The following ANKRD35 variants were observed in gnomAD, a reference collection of about 807,000 sequenced individuals.
ANKRD35 encodes ankyrin repeat domain 35, also known as ankyrin repeat domain-containing protein 35.
A neutral mutation model predicts 109.9 loss-of-function variants in ANKRD35; 102 were observed. The ratio of observed to expected loss-of-function variants is 0.93; its 90% CI spans 0.79 to 1.09. The LOEUF (loss-of-function observed/expected upper bound fraction) is 1.09. ANKRD35 is among the 50% of genes least tolerant of loss of function. The pLI is 0.00. For synonymous variants in ANKRD35, 515 were observed against 512.4 expected (o/e 1.01, Z -0.07); for missense variants, 1,240 against 1,230.1 (o/e 1.01, Z -0.12).
At chr1:145,875,826 G>A (rs1654049728) in intron 7 of ANKRD35, among the ~76,000 whole-genome samples, 1 of 152,138 alleles carries the variant, frequency 6.6e-6, no homozygotes, top group African/African-American at 2.4e-5. Context: ...GGGATCACAG[G>A]GATTCTACAT....
intron 1 of ANKRD35, among the ~76,000 whole-genome samples, chr1:145,882,762 TAGCTTACCCC>T (rs1654340218): frequency 6.6e-6 from 1 of 152,172 alleles, no homozygotes; most frequent in Non-Finnish European, 1.5e-5. Flanking sequence ...ATCCAGTCTG[TAGCTTACCCC>T]AGCACCTTGG....
At chr1:145,874,042 G>A in intron 9 of ANKRD35, 57 bp from the exon 10 acceptor site, 2 of 1,611,714 alleles carry the variant, frequency 1.2e-6, no homozygotes, top group Admixed American at 1.7e-5. Flanking sequence ...TGAGCCCTAG[G>A]AGTGCCTTTC....
intron 1 of ANKRD35, among the ~76,000 whole-genome samples, chr1:145,884,203 A>C (rs1051243413): frequency 3.3e-5 from 5 of 152,250 alleles, no homozygotes; most frequent in African/African-American, 1.2e-4. Context: ...GGAAGAGTCC[A>C]TATGAATTTC....
chr1:145,872,219 G>A lies in ANKRD35; in HGVS notation c.2550C>T (p.Gly850=), dbSNP rs113200471. The A allele has an allele frequency of 1.0e-3, 1,645 of 1,609,910 alleles. 15 individuals carry two copies. The African/African-American group carries it at 0.02, about 19-fold the overall frequency. Reference sequence around the variant, plus strand: ...TTTCCAACAGAGCCTTTAGCTCCTGGCCCCAAGCCTGAGCCTGGGCCACCA... The same window carrying A: ...TTTCCAACAGAGCCTTTAGCTCCTGACCCCAAGCCTGAGCCTGGGCCACCA... ...GSLVAQAQAW[G]QELKALLEKY... The change falls in exon 10 of 14, where the codon GGC becomes GGT. Residue 850 remains glycine (G), a synonymous_variant. Transcript: ENST00000355594.
At chr1:145,878,528 A>G (rs781844747) in intron 2 of ANKRD35, 49 bp from the exon 3 acceptor site, 3 of 1,504,934 alleles carry the variant, frequency 2.0e-6, no homozygotes, top group African/African-American at 2.8e-5. Flanking sequence ...ACCAGGGATG[A>G]GGAATGGGAG....
chr1:145,870,890 TGC>T (rs1491528457), intron 10 of ANKRD35, among the ~76,000 whole-genome samples: 2 of 152,066 alleles, frequency 1.3e-5, no homozygotes, highest in African/African-American at 4.8e-5. Flanking sequence ...ATCTAATTTT[TGC>T]CACCATGCCC....
Position 145,873,690 on chromosome 1 carries a change from G to C in ANKRD35, c.1079C>G (p.Ser360Cys). The C allele has an allele frequency of 6.2e-7, 1 of 1,614,118 alleles. No homozygotes were observed. Reference protein sequence around the residue: ...WEPRASGKQGSSLRPGGDGME... With the variant: ...WEPRASGKQGCSLRPGGDGME... The stretch of plus-strand genomic sequence containing the variant: ...GCCATCCCCTCCAGGCCGGAGACTA[G>C]AGCCTTGCTTTCCTGAAGCTCTGGG... Residue 360 changes from serine to cysteine, a missense_variant, in exon 10 of 14, where the codon TCT becomes TGT. Coordinates refer to ENST00000355594, the MANE Select transcript of ANKRD35 (RefSeq NM_144698.5).
intron 3 of ANKRD35, 42 bp downstream of exon 3, chr1:145,878,349 G>T: frequency 1.3e-6 from 2 of 1,536,012 alleles, no homozygotes; most frequent in Non-Finnish European, 1.8e-6. Flanking sequence ...TGCTGTACCA[G>T]GGGCAAGCAA....
intron 10 of ANKRD35, 125 bp downstream of exon 10, chr1:145,871,857 G>T: frequency 8.1e-7 from 1 of 1,235,424 alleles, no homozygotes; most frequent in Non-Finnish European, 1.1e-6. Flanking sequence ...GCAAAGGACT[G>T]GTGCTCCGTT....
At position 145,872,197 on chromosome 1, in the gene ANKRD35, C is replaced by G; in HGVS notation, c.2572G>C (p.Glu858Gln). The change falls in exon 10 of 14, where the codon GAA becomes CAA. Residue 858 changes from glutamate to glutamine, a missense_variant. Physicochemically the swap from Glu to Gln is conservative, Grantham distance 29. Coordinates refer to ENST00000355594, the MANE Select transcript of ANKRD35 (RefSeq NM_144698.5). ...TCCCGGCAGGCCGTATTATACTTTT[C>G]CAACAGAGCCTTTAGCTCCTGGCCC... ...AWGQELKALL[E>Q]KYNTACREVG... 1 of 1,609,618 alleles carries G rather than the reference C, an allele frequency of 6.2e-7. No individual in the cohort carries two copies. The highest frequency in any genetic ancestry group is 8.5e-7 in the Non-Finnish European group (1 of 1,178,360).
chr1:145,874,671 G>A (rs1553739688), intron 8 of ANKRD35, 151 bp downstream of exon 8: 1 of 954,192 alleles, frequency 1.0e-6, no homozygotes, highest in East Asian at 2.8e-5. Context: ...ATGGGGATTT[G>A]GGGTCCTCTC....
chr1:145,877,995 C>G lies in ANKRD35; in HGVS notation c.297G>C (p.Gln99His), dbSNP rs375759470. The G allele has an allele frequency of 6.2e-7, 1 of 1,613,946 alleles. No individual in the cohort carries two copies. Among genetic ancestry groups the G allele is most frequent in the African/African-American group, 1.3e-5 (1 of 74,904 alleles). Residue 99 changes from glutamine to histidine, a missense_variant, in exon 4 of 14, where the codon CAG becomes CAC. Coordinates refer to ENST00000355594, the MANE Select transcript of ANKRD35 (RefSeq NM_144698.5). ...TALHLATISCQPQCVKVLLQH... is the reference protein window; with the variant it reads ...TALHLATISCHPQCVKVLLQH... ...GAAGCAGAACCTTAACACACTGTGGCTGGCAGGAGATGGTGGCCAAGTGTA... is the reference window on the plus strand; with the variant it reads ...GAAGCAGAACCTTAACACACTGTGGGTGGCAGGAGATGGTGGCCAAGTGTA...
chr1:145,873,429 T>C lies in ANKRD35; in HGVS notation c.1340A>G (p.Asn447Ser), dbSNP rs1653930217. ...ATCAGGGCCAAAGGTCTGTGCCCCA[T>C]TGGTAGTCAGTTGCTGTCCTGTGGC... Reference protein sequence around the residue: ...RKATGQQLTTNGAQTFGPDHA... With the variant: ...RKATGQQLTTSGAQTFGPDHA... Residue 447 changes from asparagine (N) to serine (S), a missense_variant, in exon 10 of 14, where the codon AAT (asparagine) becomes AGT (serine). Physicochemically the swap from Asn to Ser is conservative, Grantham distance 46. Coordinates refer to ENST00000355594, the MANE Select transcript of ANKRD35 (RefSeq NM_144698.5). 2 of 1,613,938 alleles carry C rather than the reference T, an allele frequency of 1.2e-6. No homozygotes were observed. The highest frequency in any genetic ancestry group is 2.7e-5 in the African/African-American group (2 of 74,908).
At chr1:145,871,001 C>G (rs1653788099) in intron 10 of ANKRD35, among the ~76,000 whole-genome samples, 1 of 151,942 alleles carries the variant, frequency 6.6e-6, no homozygotes, top group Admixed American at 6.6e-5. Flanking sequence ...TCTGGAAGTA[C>G]TAAATCCATG....
intron 1 of ANKRD35, among the ~76,000 whole-genome samples, chr1:145,882,522 G>C (rs1263254209): frequency 6.7e-6 from 1 of 148,890 alleles, no homozygotes; most frequent in Non-Finnish European, 1.5e-5. Flanking sequence ...AAAACTCCTG[G>C]GCTCAAGTGA....
chr1:145,872,415 T>C lies in ANKRD35; in HGVS notation c.2354A>G (p.Asp785Gly). ...ASPQVAALEQ[D>G]LGKLEEELRA... Reference sequence around the variant, plus strand: ...CAGCTCTTCCTCCAGCTTCCCCAGGTCTTGCTCCAGAGCGGCCACTTGGGG... The same window carrying C: ...CAGCTCTTCCTCCAGCTTCCCCAGGCCTTGCTCCAGAGCGGCCACTTGGGG... The change falls in exon 10 of 14, where the codon GAC (aspartate) becomes GGC (glycine). Residue 785 changes from aspartate (D) to glycine (G), a missense_variant. Transcript: ENST00000355594. 1 of 1,613,170 alleles carries C rather than the reference T, an allele frequency of 6.2e-7. No individual in the cohort carries two copies. Among genetic ancestry groups the C allele is most frequent in the Non-Finnish European group, 8.5e-7 (1 of 1,179,868 alleles).
In ANKRD35 at chr1:145,871,977, C is replaced by G. The variant is rs1443062887; in HGVS notation, c.2787+5G>C. Reference sequence around the variant, plus strand: ...GTGCTCCCCAGGGCTACCTCAGCTGCTCACCTTGGCTTCCTTGTCTCGGCA... The same window carrying G: ...GTGCTCCCCAGGGCTACCTCAGCTGGTCACCTTGGCTTCCTTGTCTCGGCA... On this transcript the variant is annotated splice_donor_5th_base_variant and intron_variant, in intron 10 of 13. Transcript: ENST00000355594. 3 of 1,609,136 alleles carry G rather than the reference C, an allele frequency of 1.9e-6. No homozygotes were observed. The African/African-American group carries it at 4.0e-5, about 21-fold the overall frequency.
rs782150593 is a variant in ANKRD35 at position 145,872,603 on chromosome 1, T to A, written c.2166A>T (p.Ala722=). The A allele has an allele frequency of 6.2e-7, 1 of 1,613,678 alleles. No homozygotes were observed. Among genetic ancestry groups the A allele is most frequent in the South Asian group, 1.1e-5 (1 of 91,016 alleles). Residue 722 remains alanine (A), a synonymous_variant, in exon 10 of 14, where the codon GCA becomes GCT. Transcript: ENST00000355594. ...LVGERSAQSK[A]AESLEELRAC... ...CCCGCAGCTCCTCCAGGGACTCCGC[T>A]GCTTTGCTTTGTGCACTCCTCTCGC...
At position 145,873,392 on chromosome 1, in the gene ANKRD35, C is replaced by G. The variant is rs782429719; in HGVS notation, c.1377G>C (p.Gln459His). ...AACTCTCCTTCTGACCAGCAGGCAG[C>G]TGGTCAGCATGATCAGGGCCAAAGG... ...AQTFGPDHAD[Q>H]LPAGQKESSQ... is the part of the protein sequence containing the mutation. Residue 459 changes from glutamine to histidine, a missense_variant, in exon 10 of 14, where the codon CAG (glutamine) becomes CAC (histidine). By Grantham distance (24) the Gln-to-His change is conservative (BLOSUM62 0). Transcript: ENST00000355594. The G allele has an allele frequency of 9.9e-6, 16 of 1,614,202 alleles. No individual in the cohort carries two copies. The Admixed American group carries it at 2.5e-4, about 25-fold the overall frequency.
Sources: gnomAD v4.1 joint callset for allele counts (sites outside exome capture counted in the v4.1 genomes callset) on GRCh38, gnomAD v4.1.1 for gene constraint, MANE v1.5 for transcripts, NCBI Gene and HGNC (gene_info 2026-07-23, HGNC 2026-07-21) for gene names.